Variants in EML4 observed in about 807,000 individuals in gnomAD.
The protein encoded by EML4 is EMAP like 4.
EML4 carries 72 observed loss-of-function variants against 129.0 expected under a neutral mutation model. The ratio of observed to expected loss-of-function variants is 0.56; its 90% CI spans 0.46 to 0.68. EML4 has a LOEUF of 0.68. Ranked by LOEUF, EML4 falls within the 30% of genes least tolerant of loss-of-function variation. The pLI, the probability that EML4 is intolerant of heterozygous loss-of-function variation, is 0.00. For synonymous variants in EML4, 532 were observed against 405.0 expected (o/e 1.31, Z -3.77); for missense variants, 1,363 against 1,190.6 (o/e 1.14, Z -2.13).
At chr2:42,261,522 T>G in intron 4 of EML4, 1 of 348,698 alleles carries the variant, frequency 2.9e-6, no homozygotes, top group East Asian at 4.2e-5. Flanking sequence ...AAAACTAAGT[T>G]ATAAACAATC....
intron 19 of EML4, among the ~76,000 whole-genome samples, chr2:42,321,235 T>C (rs1300169713): frequency 2.0e-5 from 3 of 151,860 alleles, no homozygotes; most frequent in African/African-American, 7.3e-5. Context: ...TACAAAAAAT[T>C]AGCCGGGCGT....
At position 42,174,880 on chromosome 2, in the gene EML4, C is replaced by T. The variant is rs538920244; in HGVS notation, c.25+5244C>T. 4.1e-4 allele frequency among the ~76,000 whole-genome samples: 63 copies of T among 151,894 alleles called. No homozygotes were observed. In the Middle Eastern group the frequency reaches 0.034, roughly 82 times the overall value. ...TTGCCCAGGCTGGAGTGCAATGGCGCGATCTCGGCTCACTGCAGCCTCCGC... is the reference window on the plus strand; with the variant it reads ...TTGCCCAGGCTGGAGTGCAATGGCGTGATCTCGGCTCACTGCAGCCTCCGC... On this transcript the variant is annotated intron_variant, in intron 1 of 22. Coordinates refer to ENST00000318522, the MANE Select transcript of EML4 (RefSeq NM_019063.5).
At chr2:42,284,239 G>A (rs973665674) in intron 8 of EML4, among the ~76,000 whole-genome samples, 3 of 152,200 alleles carry the variant, frequency 2.0e-5, no homozygotes, top group African/African-American at 7.2e-5. Flanking sequence ...TGAGGATTAT[G>A]TAGCAAAAGG....
intron 13 of EML4, among the ~76,000 whole-genome samples, chr2:42,300,152 T>G (rs187075791): frequency 6.6e-6 from 1 of 152,376 alleles, no homozygotes; most frequent in Admixed American, 6.5e-5. Flanking sequence ...TTGTTAAACC[T>G]GAATTTTTTC....
chr2:42,330,111 T>A lies in EML4; in HGVS notation c.2850T>A (p.Gly950=). The A allele has an allele frequency of 6.2e-7, 1 of 1,612,478 alleles. No individual in the cohort carries two copies. The highest frequency in any genetic ancestry group is 8.5e-7 in the Non-Finnish European group (1 of 1,179,740). Reference sequence around the variant, plus strand: ...GTGAAGAGGGCAGCGGAGACCTTGGTGAGCCTCTTTATGAAGAGCCATGCA... The same window carrying A: ...GTGAAGAGGGCAGCGGAGACCTTGGAGAGCCTCTTTATGAAGAGCCATGCA... ...EESEEGSGDL[G]EPLYEEPCNE... Residue 950 remains glycine (G), a synonymous_variant, in exon 23 of 23, where the codon GGT becomes GGA. Transcript: ENST00000318522.
At chr2:42,254,929 G>A (rs1676027816) in intron 2 of EML4, among the ~76,000 whole-genome samples, 1 of 152,098 alleles carries the variant, frequency 6.6e-6, no homozygotes, top group Admixed American at 6.6e-5. Flanking sequence ...ATATACAGTG[G>A]AATATTTTTC....
chr2:42,190,081 G>T (rs1184734651), intron 1 of EML4, among the ~76,000 whole-genome samples: 1 of 151,944 alleles, frequency 6.6e-6, no homozygotes, highest in Non-Finnish European at 1.5e-5. Context: ...CAGGGAAGAG[G>T]CAAGATTTGT....
intron 10 of EML4, 29 bp downstream of exon 10, chr2:42,286,408 A>G (rs568865619): frequency 7.6e-7 from 1 of 1,319,250 alleles, no homozygotes; most frequent in African/African-American, 1.4e-5. Flanking sequence ...AGAAGTAAGC[A>G]AGCTGAACAA....
At chr2:42,278,859 C>G (rs1226331789) in intron 6 of EML4, among the ~76,000 whole-genome samples, 4 of 151,982 alleles carry the variant, frequency 2.6e-5, no homozygotes, top group African/African-American at 9.7e-5. Context: ...TCACTTGAAC[C>G]CGGGAGGTGG....
chr2:42,248,075 T>G (rs554570363), intron 2 of EML4, among the ~76,000 whole-genome samples: 30 of 152,238 alleles, frequency 2.0e-4, no homozygotes, highest in Non-Finnish European at 4.3e-4. Context: ...TGGGCACAAG[T>G]GGTCCTCATT....
At chr2:42,177,047 C>G (rs1262255396) in intron 1 of EML4, among the ~76,000 whole-genome samples, 1 of 152,136 alleles carries the variant, frequency 6.6e-6, no homozygotes, top group East Asian at 1.9e-4. Flanking sequence ...CCCGCTGAGG[C>G]CTCCCAGAGT....
At chr2:42,241,872 GT>G (rs1675057734) in intron 1 of EML4, among the ~76,000 whole-genome samples, 1 of 135,790 alleles carries the variant, frequency 7.4e-6, no homozygotes, top group African/African-American at 3.2e-5. Flanking sequence ...ATGTGTGTGT[GT>G]CGGGGGGGGG....
At chr2:42,253,111 GGTGCAGAA>G (rs1403120673) in intron 2 of EML4, among the ~76,000 whole-genome samples, 2 of 152,116 alleles carry the variant, frequency 1.3e-5, no homozygotes, top group Admixed American at 6.6e-5. Context: ...GGATCATCCA[GGTGCAGAA>G]GTGCAGAAGA....
chr2:42,216,439 C>T (rs1673197319), intron 1 of EML4, among the ~76,000 whole-genome samples: 4 of 151,516 alleles, frequency 2.6e-5, no homozygotes, highest in Non-Finnish European at 5.9e-5. Flanking sequence ...GACGGGGTTT[C>T]AGCATCTTGG....
At chr2:42,183,493 G>A (rs560496933) in intron 1 of EML4, among the ~76,000 whole-genome samples, 2 of 152,296 alleles carry the variant, frequency 1.3e-5, no homozygotes, top group Admixed American at 6.5e-5. Flanking sequence ...ATACAAAACA[G>A]GTAGTTACAA....
intron 1 of EML4, among the ~76,000 whole-genome samples, chr2:42,198,415 T>C (rs898292517): frequency 1.3e-4 from 19 of 151,556 alleles, no homozygotes; most frequent in African/African-American, 3.9e-4. Flanking sequence ...TTTTAATGAG[T>C]TGGGAGGGGC....
chr2:42,239,772 G>A (rs955445166), intron 1 of EML4, among the ~76,000 whole-genome samples: 1 of 151,886 alleles, frequency 6.6e-6, no homozygotes, highest in Admixed American at 6.6e-5. Context: ...AAAGGCGGCG[G>A]GGGGTGGGGT....
At chr2:42,279,781 T>TTTATTA (rs550761104) in intron 6 of EML4, among the ~76,000 whole-genome samples, 2 of 151,174 alleles carry the variant, frequency 1.3e-5, no homozygotes, top group Non-Finnish European at 2.9e-5. Flanking sequence ...GCTGTCTTTT[T>TTTATTA]TTATTATTAT....
chr2:42,223,993 T>C (rs1208923795), intron 1 of EML4, among the ~76,000 whole-genome samples: 1 of 152,144 alleles, frequency 6.6e-6, no homozygotes, highest in Non-Finnish European at 1.5e-5. Flanking sequence ...ATTTACCGTT[T>C]AAATTATGAA....
Sources: allele counts gnomAD v4.1 joint callset (sites outside exome capture counted in the v4.1 genomes callset), GRCh38; gene constraint gnomAD v4.1.1; transcripts MANE v1.5; gene names NCBI Gene and HGNC (gene_info 2026-07-23, HGNC 2026-07-21).